Variants in AGMO observed in about 807,000 individuals in gnomAD.
AGMO encodes glyceryl-ether monooxygenase.
A neutral mutation model predicts 60.2 loss-of-function variants in AGMO; 75 were observed. The ratio of observed to expected loss-of-function variants is 1.25; its 90% CI spans 1.03 to 1.51. The LOEUF (loss-of-function observed/expected upper bound fraction) is 1.51. Ranked by LOEUF, AGMO falls within the 40% of genes most tolerant of loss-of-function variation. The pLI, the probability that AGMO is intolerant of heterozygous loss-of-function variation, is 0.00. For synonymous variants in AGMO, 261 were observed against 177.1 expected, an observed-to-expected ratio of 1.47 and a Z score of -3.76; for missense variants, 763 against 525.5, an observed-to-expected ratio of 1.45 and a Z score of -4.42.
At chr7:15,533,200 G>A (rs1258478231) in intron 3 of AGMO, among the ~76,000 whole-genome samples, 1 of 151,890 alleles carries the variant, frequency 6.6e-6, no homozygotes, top group Non-Finnish European at 1.5e-5. Context: ...AATATATATT[G>A]CCATTCCAAA....
At position 15,263,289 on chromosome 7, in the gene AGMO, A is replaced by T. The variant is rs10270446; in HGVS notation, c.1264-61930T>A. Among the ~76,000 whole-genome samples, 910 of 152,200 alleles carry T rather than the reference A, an allele frequency of 6.0e-3. 6 individuals carry two copies. The highest frequency in any genetic ancestry group is 0.021 in the African/African-American group (862 of 41,540). ...AGGACATGAATAGACAATTCTCTCA[A>T]GAAGATATACAAATGGCCAACAAAC... is the stretch of plus-strand genomic sequence containing the variant. On this transcript the variant is annotated intron_variant, in intron 12 of 12. Coordinates refer to ENST00000342526, the MANE Select transcript of AGMO (RefSeq NM_001004320.2).
chr7:15,144,632 T>C, the AGMO span, among the ~76,000 whole-genome samples: 2 of 152,236 alleles, frequency 1.3e-5, no homozygotes, highest in African/African-American at 4.8e-5. Flanking sequence ...TATTTACCTC[T>C]AGTTGCACTT....
chr7:15,244,896 C>T (rs913298211), intron 12 of AGMO, among the ~76,000 whole-genome samples: 1 of 152,160 alleles, frequency 6.6e-6, no homozygotes, highest in African/African-American at 2.4e-5. Flanking sequence ...TTGTGATCTG[C>T]CTGCCTTGGT....
At chr7:15,559,485 T>G (rs1333311632) in intron 2 of AGMO, among the ~76,000 whole-genome samples, 1 of 152,156 alleles carries the variant, frequency 6.6e-6, no homozygotes, top group Non-Finnish European at 1.5e-5. Flanking sequence ...TTGGCCTGGA[T>G]GGCTTTCCAG....
intron 12 of AGMO, among the ~76,000 whole-genome samples, chr7:15,244,635 T>G (rs1782687621): frequency 6.6e-6 from 1 of 151,408 alleles, no homozygotes; most frequent in South Asian, 2.1e-4. Context: ...GCTCATTCTT[T>G]TTTTTGTTTG....
At chr7:15,374,535 A>G (rs1783367988) in intron 10 of AGMO, among the ~76,000 whole-genome samples, 1 of 152,130 alleles carries the variant, frequency 6.6e-6, no homozygotes, top group African/African-American at 2.4e-5. Flanking sequence ...GTTCTACTCC[A>G]TTAAAATATG....
At chr7:15,221,937 C>T (rs1460668346) in intron 12 of AGMO, among the ~76,000 whole-genome samples, 1 of 152,054 alleles carries the variant, frequency 6.6e-6, no homozygotes, top group Admixed American at 6.6e-5. Context: ...TATAGCATTA[C>T]GTTTTCACTT....
intron 12 of AGMO, among the ~76,000 whole-genome samples, chr7:15,237,050 AC>A (rs755709407): frequency 1.2e-4 from 19 of 152,296 alleles, no homozygotes; most frequent in Non-Finnish European, 1.9e-4. Flanking sequence ...TCCTTTGAAT[AC>A]CTTTTTAAAG....
chr7:15,375,453 T>A (rs1184731937), intron 10 of AGMO, among the ~76,000 whole-genome samples: 1 of 143,306 alleles, frequency 7.0e-6, no homozygotes, highest in Non-Finnish European at 1.5e-5. Flanking sequence ...TGGAGTGCAG[T>A]AGCACAATCT....
rs192786216 is a variant in AGMO at position 15,205,291 on chromosome 7, T to G, written c.1264-3932A>C. Among the ~76,000 whole-genome samples the G allele has an allele frequency of 3.0e-4, 45 of 152,292 alleles. No individual in the cohort carries two copies. The East Asian group carries it at 8.3e-3, about 28-fold the overall frequency. ...TAGGGATCTTCCACAGCCTTTGTGG[T>G]AGTGATGAAATAAGACTTTTCAAAT... On this transcript the variant is annotated intron_variant, in intron 12 of 12. Coordinates refer to ENST00000342526, the MANE Select transcript of AGMO (RefSeq NM_001004320.2).
intron 5 of AGMO, among the ~76,000 whole-genome samples, chr7:15,402,777 C>T (rs981129251): frequency 6.6e-6 from 1 of 150,860 alleles, no homozygotes; most frequent in African/African-American, 2.4e-5. Context: ...TATTTCAGAG[C>T]GTTAAAACCT....
intron 12 of AGMO, among the ~76,000 whole-genome samples, chr7:15,354,479 T>C (rs867332612): frequency 0.066 from 1,689 of 25,600 alleles, 293 homozygotes; most frequent in African/African-American, 0.17. Flanking sequence ...TATACACACG[T>C]GTGTATATAC....
chr7:15,177,090 A>T, the AGMO span, among the ~76,000 whole-genome samples: 1 of 141,914 alleles, frequency 7.0e-6, no homozygotes, highest in Non-Finnish European at 1.6e-5. Context: ...GATGCTTTTA[A>T]AATAAGGGGA....
At position 15,418,506 on chromosome 7, in the gene AGMO, T is replaced by C. The variant is rs1780838191; in HGVS notation, c.609+52A>G. ...CATCTGCTAGTGGATTTCCAGGACA[T>C]TGCTTCAGGCTGTTTAGGTATAAAA... On this transcript the variant is annotated intron_variant, in intron 5 of 12. Transcript: ENST00000342526. The C allele has an allele frequency of 5.2e-6, 6 of 1,149,228 alleles. No homozygotes were observed. In the South Asian group the frequency reaches 6.7e-5, roughly 13 times the overall value. 71.2% of individuals were successfully genotyped at this position (1,149,228 alleles called of 1,614,324 possible).
At chr7:15,542,951 G>A (rs1454571452) in intron 3 of AGMO, among the ~76,000 whole-genome samples, 2 of 152,024 alleles carry the variant, frequency 1.3e-5, no homozygotes, top group African/African-American at 2.4e-5. Context: ...TAACATAAAC[G>A]ATGCTATATT....
intron 4 of AGMO, among the ~76,000 whole-genome samples, chr7:15,429,140 T>A (rs1288789028): frequency 6.6e-6 from 1 of 152,096 alleles, no homozygotes; most frequent in African/African-American, 2.4e-5. Context: ...AGGTTATGAA[T>A]ATATACATAT....
At chr7:15,552,889 T>C (rs1484709623) in intron 2 of AGMO, among the ~76,000 whole-genome samples, 13 of 149,998 alleles carry the variant, frequency 8.7e-5, no homozygotes, top group Non-Finnish European at 1.7e-4. Context: ...TATTGCGGCA[T>C]TATTCACGAT....
chr7:15,491,695 G>A (rs1281668384), intron 3 of AGMO, among the ~76,000 whole-genome samples: 2 of 152,158 alleles, frequency 1.3e-5, no homozygotes, highest in African/African-American at 4.8e-5. Flanking sequence ...GTATTCACCA[G>A]TTCATGCAAA....
At chr7:15,155,287 G>A in the AGMO span, among the ~76,000 whole-genome samples, 2 of 151,888 alleles carry the variant, frequency 1.3e-5, no homozygotes, top group African/African-American at 4.8e-5. Context: ...TGGAGGTTTT[G>A]CTGCATTAAA....
Sources: allele counts gnomAD v4.1 joint callset (sites outside exome capture counted in the v4.1 genomes callset), GRCh38; gene constraint gnomAD v4.1.1; transcripts MANE v1.5; gene names NCBI Gene and HGNC (gene_info 2026-07-23, HGNC 2026-07-21).